The following ZC3H12B variants were observed in gnomAD, a reference collection of about 807,000 sequenced individuals.
ZC3H12B encodes the protein probable ribonuclease ZC3H12B.
Under a neutral mutation model 43.9 loss-of-function variants are expected in ZC3H12B, and 7 were observed. The ratio of observed to expected loss-of-function variants is 0.16; its 90% CI spans 0.09 to 0.30. The LOEUF is 0.30. ZC3H12B is among the 10% of genes least tolerant of loss of function. The pLI is 1.00. For missense variants in ZC3H12B, 475 were observed against 670.2 expected (o/e 0.71, Z 3.22); for synonymous variants, 222 against 241.7 (o/e 0.92, Z 0.76).
At chrX:65,152,968 C>A in the ZC3H12B span, among the ~76,000 whole-genome samples, 341 of 111,638 alleles carry the variant, frequency 3.1e-3, 2 homozygotes, top group African/African-American at 0.011. Flanking sequence ...ACCTGAGAAA[C>A]ACAAGCAATG....
chrX:65,127,457 G>C, the ZC3H12B span, among the ~76,000 whole-genome samples: 1 of 111,365 alleles, frequency 9.0e-6, no homozygotes, highest in South Asian at 3.8e-4. Flanking sequence ...TTTGCTTAGT[G>C]CATTGGTTTT....
chrX:65,154,692 T>G, the ZC3H12B span, among the ~76,000 whole-genome samples: 3 of 110,815 alleles, frequency 2.7e-5, no homozygotes, highest in Non-Finnish European at 5.7e-5. Context: ...TCTACAAAAA[T>G]AAAAGAATTA....
At chrX:65,180,082 T>C in the ZC3H12B span, among the ~76,000 whole-genome samples, 1 of 111,847 alleles carries the variant, frequency 8.9e-6, no homozygotes, top group Non-Finnish European at 1.9e-5. Flanking sequence ...TATCCCTGCT[T>C]AACTTTGATG....
At chrX:65,399,861 A>G (rs763899551) in intron 3 of ZC3H12B, among the ~76,000 whole-genome samples, 1 of 112,264 alleles carries the variant, frequency 8.9e-6, no homozygotes, top group African/African-American at 3.2e-5. Flanking sequence ...AAGTAGAATG[A>G]GATTCTGTCA....
the ZC3H12B span, among the ~76,000 whole-genome samples, chrX:65,226,602 T>G: frequency 2.7e-5 from 3 of 110,290 alleles, no homozygotes; most frequent in African/African-American, 9.9e-5. Flanking sequence ...GGATAAAGAG[T>G]CAAGACCCAT....
At chrX:65,456,092 G>A (rs1457640572) in intron 3 of ZC3H12B, among the ~76,000 whole-genome samples, 1 of 111,452 alleles carries the variant, frequency 9.0e-6, no homozygotes, top group Non-Finnish European at 1.9e-5. Flanking sequence ...TAACCAGCTA[G>A]CATCATAAGG....
intron 2 of ZC3H12B, among the ~76,000 whole-genome samples, chrX:65,388,636 T>G (rs914672478): frequency 8.9e-6 from 1 of 112,162 alleles, no homozygotes; most frequent in African/African-American, 3.2e-5. Context: ...CCTTCTTCTC[T>G]CAACTCGTCA....
At chrX:65,241,790 A>G in the ZC3H12B span, among the ~76,000 whole-genome samples, 2 of 111,663 alleles carry the variant, frequency 1.8e-5, no homozygotes, top group Non-Finnish European at 3.8e-5. Flanking sequence ...CTTGTGAGGT[A>G]CCATGGAGGT....
the ZC3H12B span, among the ~76,000 whole-genome samples, chrX:65,293,529 A>T: frequency 5.4e-5 from 6 of 110,576 alleles, no homozygotes; most frequent in Admixed American, 3.9e-4. Context: ...CAGAAAAAGA[A>T]TTCAGAAGGT....
the ZC3H12B span, among the ~76,000 whole-genome samples, chrX:65,229,617 A>T: frequency 2.8e-5 from 3 of 107,443 alleles, no homozygotes; most frequent in Admixed American, 3.0e-4. Context: ...ATGGGAGAAA[A>T]TTTTCGCAAC....
At chrX:65,121,923 G>T in the ZC3H12B span, among the ~76,000 whole-genome samples, 1 of 111,530 alleles carries the variant, frequency 9.0e-6, no homozygotes, top group Non-Finnish European at 1.9e-5. Context: ...TCATTCAGGA[G>T]CAGGTTGTTC....
At chrX:65,252,427 G>A in the ZC3H12B span, among the ~76,000 whole-genome samples, 1 of 111,594 alleles carries the variant, frequency 9.0e-6, no homozygotes, top group African/African-American at 3.3e-5. Context: ...CCAGGGCCAG[G>A]CACTATTCTA....
the ZC3H12B span, among the ~76,000 whole-genome samples, chrX:65,246,058 G>A: frequency 9.0e-6 from 1 of 111,635 alleles, no homozygotes; most frequent in African/African-American, 3.3e-5. Flanking sequence ...AAAAACTTTA[G>A]CAAAATCTCA....
At chrX:65,212,528 T>G in the ZC3H12B span, among the ~76,000 whole-genome samples, 1 of 74,495 alleles carries the variant, frequency 1.3e-5, no homozygotes, top group Non-Finnish European at 2.3e-5. Flanking sequence ...TTTATTATAT[T>G]ACATATAATG....
At chrX:65,163,207 G>A in the ZC3H12B span, among the ~76,000 whole-genome samples, 6 of 111,485 alleles carry the variant, frequency 5.4e-5, no homozygotes, top group African/African-American at 9.8e-5. Context: ...TAGGTTGCTC[G>A]GGGGTCAGGG....
chrX:65,503,371 T>A, exon 5 of ZC3H12B: 1 of 452,726 alleles, frequency 2.2e-6, no homozygotes, highest in Non-Finnish European at 3.5e-6. Flanking sequence ...CTTACTAACA[T>A]CCTCTTTTAT....
At chrX:65,416,760 G>T (rs2066967024) in intron 3 of ZC3H12B, among the ~76,000 whole-genome samples, 1 of 107,548 alleles carries the variant, frequency 9.3e-6, no homozygotes. Flanking sequence ...CTGCACTCCA[G>T]CCTGGGCAAC....
chrX:65,035,811 G>A, the ZC3H12B span, among the ~76,000 whole-genome samples: 1 of 111,715 alleles, frequency 9.0e-6, no homozygotes, highest in African/African-American at 3.3e-5. Flanking sequence ...TGTACGTTAG[G>A]AAGATAGTAC....
the ZC3H12B span, chrX:65,331,066 T>C: frequency 1.5e-5 from 5 of 322,824 alleles, no homozygotes; most frequent in Non-Finnish European, 3.0e-5. Context: ...TTCTCTGGAA[T>C]GATTCAACCC....
Sources: gnomAD v4.1 joint callset for allele counts (sites outside exome capture counted in the v4.1 genomes callset) on GRCh38, gnomAD v4.1.1 for gene constraint, MANE v1.5 for transcripts, NCBI Gene and HGNC (gene_info 2026-07-23, HGNC 2026-07-21) for gene names.